Variants in RAPSN observed in about 807,000 individuals in gnomAD.
RAPSN encodes receptor associated protein of the synapse.
In RAPSN, 33 loss-of-function variants were observed where a neutral mutation model predicts 45.7. The ratio of observed to expected loss-of-function variants is 0.72; its 90% confidence interval spans 0.55 to 0.97. The LOEUF is 0.97. Among genes scored for constraint, RAPSN ranks in the 50% least tolerant of loss-of-function variants. The pLI, the probability that RAPSN is intolerant of heterozygous loss-of-function variation, is 0.00. For missense variants in RAPSN, 519 were observed against 559.4 expected (o/e 0.93, Z 0.73); for synonymous variants, 244 against 233.6 (o/e 1.04, Z -0.40).
Position 47,448,912 on chromosome 11 carries a change from TGGTACAGCTG to T in RAPSN, c.43_52del (p.Gln15SerfsTer46). ...CAATGCCTTCTCTGTCTGGTTGGAC[TGGTACAGCTG>T]GAGCCCCTTCTCGATCTGCTGCTTG... On this transcript the variant is annotated frameshift_variant, in exon 1 of 8. Coordinates refer to ENST00000298854, the MANE Select transcript of RAPSN (RefSeq NM_005055.5). LOFTEE classifies it high-confidence loss of function. The T allele has an allele frequency of 6.2e-7, 1 of 1,614,240 alleles. No homozygotes were observed. Among genetic ancestry groups the T allele is most frequent in the Non-Finnish European group, 8.5e-7 (1 of 1,180,046 alleles).
intron 2 of RAPSN, among the ~76,000 whole-genome samples, chr11:47,447,396 G>A (rs1279047469): frequency 1.3e-5 from 2 of 152,042 alleles, no homozygotes; most frequent in Non-Finnish European, 2.9e-5. Flanking sequence ...AACAGTCTTG[G>A]GATACAGTAG....
At position 47,449,074 on chromosome 11, in the gene RAPSN, A is replaced by G; in HGVS notation, c.-110T>C. The G allele has an allele frequency of 5.1e-6, 7 of 1,365,812 alleles. No homozygotes were observed. The South Asian group carries it at 7.1e-5, about 14-fold the overall frequency. The allele number at this position is 1,365,812 out of a possible 1,614,324, so 84.6% of individuals were successfully genotyped here. The stretch of plus-strand genomic sequence containing the variant: ...AGCTGCCCCCCGAAACGTGGGAACA[A>G]AAGCAGCGTCGGGTGGGAGCCGGAA... On this transcript the variant is annotated 5_prime_UTR_variant, in exon 1 of 8. Coordinates refer to ENST00000298854, the MANE Select transcript of RAPSN (RefSeq NM_005055.5).
intron 6 of RAPSN, among the ~76,000 whole-genome samples, chr11:47,440,575 C>G (rs1269853136): frequency 6.6e-6 from 1 of 152,144 alleles, no homozygotes; most frequent in African/African-American, 2.4e-5. Flanking sequence ...CAGTGAATCC[C>G]CATCTCTATA....
intron 2 of RAPSN, among the ~76,000 whole-genome samples, chr11:47,446,184 C>G (rs2076404820): frequency 6.6e-6 from 1 of 151,234 alleles, no homozygotes; most frequent in Non-Finnish European, 1.5e-5. Flanking sequence ...TGCTTGGCCT[C>G]TCAAAGTGCT....
At chr11:47,439,003 A>C in intron 6 of RAPSN, 72 bp from the exon 7 acceptor site, 8 of 1,478,860 alleles carry the variant, frequency 5.4e-6, no homozygotes, top group South Asian at 1.2e-5. Flanking sequence ...CTCCGGTCTC[A>C]GCCACTTCCC....
chr11:47,442,628 C>G, intron 3 of RAPSN, 28 bp downstream of exon 3: 1 of 1,611,076 alleles, frequency 6.2e-7, no homozygotes, highest in Non-Finnish European at 8.5e-7. Context: ...ACCTCATCCC[C>G]GACCTGCCCC....
chr11:47,437,817 A>C lies in RAPSN; in HGVS notation c.*158T>G. On this transcript the variant is annotated 3_prime_UTR_variant, in exon 8 of 8. Coordinates refer to ENST00000298854, the MANE Select transcript of RAPSN (RefSeq NM_005055.5). ...AAGAGCAAAGTACAAAGAGGCAGGG[A>C]GGGGAGCTGGGCCCAGGGGAGCAGC... 1 of 836,954 alleles carries C rather than the reference A, an allele frequency of 1.2e-6. No individual in the cohort carries two copies. Among genetic ancestry groups the C allele is most frequent in the South Asian group, 1.4e-5 (1 of 69,392 alleles). 51.8% of individuals were successfully genotyped at this position (836,954 alleles called of 1,614,324 possible).
intron 7 of RAPSN, 77 bp from the exon 8 acceptor site, chr11:47,438,124 C>T: frequency 2.0e-6 from 3 of 1,498,916 alleles, no homozygotes; most frequent in Non-Finnish European, 2.7e-6. Flanking sequence ...TCCTTGCCTG[C>T]CCTCTGCAGG....
At chr11:47,441,778 T>C in intron 4 of RAPSN, 45 bp from the exon 5 acceptor site, 2 of 1,577,942 alleles carry the variant, frequency 1.3e-6, no homozygotes, top group Non-Finnish European at 1.7e-6. Context: ...ATCAGGCCTG[T>C]GCCCCTGCCC....
At position 47,446,369 on chromosome 11, in the gene RAPSN, A is replaced by T. The variant is rs79890712; in HGVS notation, c.531+1443T>A. ...TTTCTTCAGAATTAAAAAGGTTTTT[A>T]AAAACCCCTGTCCTGCCCCAGTCCT... is the stretch of plus-strand genomic sequence containing the variant. On this transcript the variant is annotated intron_variant, in intron 2 of 7. Transcript: ENST00000298854. Among the ~76,000 whole-genome samples, 1,465 of 152,182 alleles carry T rather than the reference A, an allele frequency of 9.6e-3. 63 individuals are homozygous for T. Among genetic ancestry groups the T allele is most frequent in the Admixed American group, 0.075 (1,142 of 15,262 alleles).
rs1430321155 is a variant in RAPSN at position 47,442,744 on chromosome 11, C to A, written c.602G>T (p.Ser201Ile). ...CTGGCTCATGGCCCGGTACTTCAGG[C>A]TCCAGCCTTTGCCATAGTTGTTGAC... ...ELVNNYGKGW[S>I]LKYRAMSQYH... The change falls in exon 3 of 8, where the codon AGC becomes ATC. Residue 201 changes from serine (S) to isoleucine (I), a missense_variant. Physicochemically the swap from Ser to Ile is moderately radical, Grantham distance 142. Coordinates refer to ENST00000298854, the MANE Select transcript of RAPSN (RefSeq NM_005055.5). 6.2e-7 allele frequency: 1 copy of A among 1,614,286 alleles called. No individual in the cohort carries two copies. The highest frequency in any genetic ancestry group is 1.7e-5 in the Admixed American group (1 of 60,034).
intron 5 of RAPSN, 159 bp downstream of exon 5, chr11:47,441,452 G>A (rs2076361324): frequency 8.6e-6 from 12 of 1,387,382 alleles, no homozygotes; most frequent in East Asian, 2.5e-5. Context: ...CAAGTGATGG[G>A]CCTTCTCTGA....
intron 2 of RAPSN, among the ~76,000 whole-genome samples, 177 bp from the exon 3 acceptor site, chr11:47,442,991 G>C (rs937358445): frequency 2.6e-5 from 4 of 152,250 alleles, no homozygotes; most frequent in African/African-American, 7.2e-5. Context: ...CAGTGCAAAG[G>C]TGTCGCTCTG....
At chr11:47,441,758 A>C in intron 4 of RAPSN, 25 bp from the exon 5 acceptor site, 1 of 1,603,424 alleles carries the variant, frequency 6.2e-7, no homozygotes, top group Admixed American at 1.7e-5. Context: ...GGGGGATGGA[A>C]TCAGGCTGTA....
intron 2 of RAPSN, among the ~76,000 whole-genome samples, 158 bp from the exon 3 acceptor site, chr11:47,442,972 G>A (rs543134612): frequency 1.2e-4 from 19 of 152,250 alleles, no homozygotes; most frequent in Non-Finnish European, 2.6e-4. Context: ...GCCCGGTAGA[G>A]GGAACAGCCA....
chr11:47,441,477 C>T (rs775086796), intron 5 of RAPSN, 134 bp downstream of exon 5: 4 of 1,480,474 alleles, frequency 2.7e-6, no homozygotes, highest in Middle Eastern at 1.7e-4. Context: ...GGAAAATGAC[C>T]AGGAATGTCC....
rs1266847102 is a variant in RAPSN, at chr11:47,448,769, C to A, written c.192+4G>T. 1 of 1,608,624 alleles carries A rather than the reference C, an allele frequency of 6.2e-7. No homozygotes were observed. On this transcript the variant is annotated splice_donor_region_variant and intron_variant, in intron 1 of 7. Transcript: ENST00000298854. ...TCGAACGCCCCCAGGCCGGGTACAC[C>A]CACCTTCAGCATCTCCTTGTAGCGG... is the stretch of plus-strand genomic sequence containing the variant.
At chr11:47,442,964 C>T (rs1173328016) in intron 2 of RAPSN, 150 bp from the exon 3 acceptor site, 1 of 1,344,460 alleles carries the variant, frequency 7.4e-7, no homozygotes, top group Non-Finnish European at 1.0e-6. Flanking sequence ...CAAGAGTGGC[C>T]CGGTAGAGGG....
rs1422163139 is a variant in RAPSN, at chr11:47,439,070, T to C, written c.967-139A>G. ...TGCCCTCTCTGGGACCTTGCTTCCTTTCATGCAGAATGAGGCGGTGGGTGA... is the reference window on the plus strand; with the variant it reads ...TGCCCTCTCTGGGACCTTGCTTCCTCTCATGCAGAATGAGGCGGTGGGTGA... On this transcript the variant is annotated intron_variant, in intron 6 of 7. Transcript: ENST00000298854. 4 of 944,100 alleles carry C rather than the reference T, an allele frequency of 4.2e-6. No homozygotes were observed. In the African/African-American group the frequency reaches 4.9e-5, roughly 12 times the overall value. 58.5% of individuals were successfully genotyped at this position (944,100 alleles called of 1,614,324 possible). A position where few individuals can be genotyped will look rare whatever the true frequency, so the allele number is the denominator to read the frequency against.
Sources: gnomAD v4.1 joint callset for allele counts (sites outside exome capture counted in the v4.1 genomes callset) on GRCh38, gnomAD v4.1.1 for gene constraint, MANE v1.5 for transcripts, NCBI Gene and HGNC (gene_info 2026-07-23, HGNC 2026-07-21) for gene names.